Variants in LUZP2 observed in about 807,000 individuals in gnomAD.
LUZP2 encodes the protein leucine zipper protein 2.
LUZP2 carries 52 observed loss-of-function variants against 51.6 expected under a neutral mutation model. The ratio of observed to expected loss-of-function variants is 1.01; its 90% confidence interval spans 0.81 to 1.27. The LOEUF (loss-of-function observed/expected upper bound fraction) is 1.27, where lower values mean the gene tolerates loss of function less well. Among genes scored for constraint, LUZP2 ranks in the 50% most tolerant of loss-of-function variants. LUZP2 has a pLI of 0.00. For synonymous variants in LUZP2, 154 were observed against 137.3 expected, an observed-to-expected ratio of 1.12 and a Z score of -0.85; for missense variants, 436 against 395.4, an observed-to-expected ratio of 1.10 and a Z score of -0.87.
At chr11:24,727,321 G>A (rs928334933) in intron 1 of LUZP2, among the ~76,000 whole-genome samples, 3 of 151,898 alleles carry the variant, frequency 2.0e-5, no homozygotes, top group Non-Finnish European at 4.4e-5. Context: ...ATTAGGCTTT[G>A]GAGACTCACT....
intron 1 of LUZP2, among the ~76,000 whole-genome samples, chr11:24,681,173 G>T (rs2133869240): frequency 6.6e-6 from 1 of 151,866 alleles, no homozygotes; most frequent in African/African-American, 2.4e-5. Flanking sequence ...AGTAGAGACG[G>T]GGTTTCACCT....
chr11:24,652,446 G>C (rs541115823), intron 1 of LUZP2, among the ~76,000 whole-genome samples: 1 of 152,010 alleles, frequency 6.6e-6, no homozygotes, highest in Non-Finnish European at 1.5e-5. Flanking sequence ...AGAATGCTTA[G>C]GTTCACATAT....
At chr11:24,882,651 G>T (rs1852509441) in intron 5 of LUZP2, among the ~76,000 whole-genome samples, 1 of 151,364 alleles carries the variant, frequency 6.6e-6, no homozygotes, top group African/African-American at 2.4e-5. Flanking sequence ...TTTTCAAAAT[G>T]TTGTACAGTT....
At chr11:24,824,015 A>G (rs1850441684) in intron 5 of LUZP2, among the ~76,000 whole-genome samples, 1 of 151,560 alleles carries the variant, frequency 6.6e-6, no homozygotes, top group Admixed American at 6.6e-5. Context: ...GTGAGCCAAG[A>G]TCACGCCACT....
chr11:24,856,997 T>C (rs1159767445), intron 5 of LUZP2, among the ~76,000 whole-genome samples: 1 of 151,900 alleles, frequency 6.6e-6, no homozygotes, highest in Admixed American at 6.6e-5. Context: ...CAACATTCAT[T>C]ATTCAGGTGA....
intron 5 of LUZP2, among the ~76,000 whole-genome samples, chr11:24,894,804 T>G (rs1394806190): frequency 6.6e-6 from 1 of 152,216 alleles, no homozygotes; most frequent in East Asian, 1.9e-4. Flanking sequence ...AGACTTTATG[T>G]ATGATAGGTT....
At chr11:24,788,608 A>T (rs915911982) in intron 5 of LUZP2, among the ~76,000 whole-genome samples, 2 of 152,170 alleles carry the variant, frequency 1.3e-5, no homozygotes, top group African/African-American at 4.8e-5. Context: ...AGAAGCCAAA[A>T]CAACTGGAAA....
intron 1 of LUZP2, among the ~76,000 whole-genome samples, chr11:24,652,884 A>T (rs1172731252): frequency 2.0e-5 from 3 of 147,478 alleles, no homozygotes; most frequent in Non-Finnish European, 4.5e-5. Context: ...ATAGGGTTCA[A>T]GCTAGTTGGT....
At chr11:24,587,983 C>T (rs1012565348) in intron 1 of LUZP2, among the ~76,000 whole-genome samples, 1 of 151,968 alleles carries the variant, frequency 6.6e-6, no homozygotes, top group Admixed American at 6.6e-5. Flanking sequence ...CTGACCACCC[C>T]TATTAGTTCA....
chr11:25,072,106 T>C (rs546330224), intron 10 of LUZP2, among the ~76,000 whole-genome samples: 1 of 152,210 alleles, frequency 6.6e-6, no homozygotes, highest in Admixed American at 6.6e-5. Flanking sequence ...CTTCCCCTGA[T>C]AGATAATTAG....
chr11:24,820,926 G>A (rs1348472525), intron 5 of LUZP2, among the ~76,000 whole-genome samples: 2 of 152,136 alleles, frequency 1.3e-5, no homozygotes. Flanking sequence ...GACATCAGTG[G>A]ATGATCTGAG....
intron 5 of LUZP2, among the ~76,000 whole-genome samples, chr11:24,823,663 G>A (rs559588038): frequency 6.6e-6 from 1 of 152,260 alleles, no homozygotes; most frequent in Admixed American, 6.5e-5. Flanking sequence ...TAGTGAAGAT[G>A]AAGAAAACTG....
chr11:24,997,452 T>A (rs1856540630), intron 9 of LUZP2, among the ~76,000 whole-genome samples: 2 of 152,190 alleles, frequency 1.3e-5, no homozygotes, highest in Non-Finnish European at 2.9e-5. Flanking sequence ...CTTCGCCCAC[T>A]TTTTGATGGG....
chr11:24,909,392 G>A (rs1853554906), intron 6 of LUZP2, among the ~76,000 whole-genome samples: 1 of 151,690 alleles, frequency 6.6e-6, no homozygotes, highest in Admixed American at 6.6e-5. Context: ...TTGAAAGATA[G>A]AGCATCAATT....
chr11:24,636,758 G>A (rs1022329065), intron 1 of LUZP2, among the ~76,000 whole-genome samples: 44 of 151,788 alleles, frequency 2.9e-4, no homozygotes, highest in East Asian at 7.7e-4. Flanking sequence ...CAAATAATTC[G>A]TCAGAGCTCA....
chr11:24,784,010 T>C (rs563453635), intron 5 of LUZP2, among the ~76,000 whole-genome samples: 1 of 152,082 alleles, frequency 6.6e-6, no homozygotes, highest in African/African-American at 2.4e-5. Context: ...GTGCCATTTG[T>C]GCAGCTTCTA....
At chr11:24,887,416 T>C (rs1038562636) in intron 5 of LUZP2, among the ~76,000 whole-genome samples, 4 of 152,172 alleles carry the variant, frequency 2.6e-5, no homozygotes, top group Non-Finnish European at 5.9e-5. Flanking sequence ...TACAAGCACG[T>C]GGCAACAGGT....
At chr11:24,594,750 C>CT (rs61196514) in intron 1 of LUZP2, among the ~76,000 whole-genome samples, 789 of 78,590 alleles carry the variant, frequency 0.01, 51 homozygotes, top group African/African-American at 0.014. Flanking sequence ...GTTTGGGACA[C>CT]TTTTTTTTTT....
intron 1 of LUZP2, among the ~76,000 whole-genome samples, chr11:24,616,988 TGTC>T (rs1465821240): frequency 6.6e-6 from 1 of 152,148 alleles, no homozygotes; most frequent in Non-Finnish European, 1.5e-5. Context: ...TTAGGTAAAA[TGTC>T]GTATAAACAT....
Sources: gnomAD v4.1 joint callset for allele counts (sites outside exome capture counted in the v4.1 genomes callset) on GRCh38, gnomAD v4.1.1 for gene constraint, MANE v1.5 for transcripts, NCBI Gene and HGNC (gene_info 2026-07-23, HGNC 2026-07-21) for gene names.